LOC128092253: variants seen among roughly 807,000 people sequenced by gnomAD.
At chr6:133,962,355 G>C in the LOC128092253 span, among the ~76,000 whole-genome samples, 1 of 152,194 alleles carries the variant, frequency 6.6e-6, no homozygotes, top group Non-Finnish European at 1.5e-5. Flanking sequence ...TTAGAAGCCT[G>C]TAGCCATAAT....
the LOC128092253 span, among the ~76,000 whole-genome samples, chr6:133,954,001 G>A: frequency 2.0e-5 from 3 of 152,182 alleles, no homozygotes; most frequent in Admixed American, 2.0e-4. Context: ...CTGAAGAAGA[G>A]AAAATGAATT....
the LOC128092253 span, among the ~76,000 whole-genome samples, chr6:133,973,269 T>A: frequency 6.6e-6 from 1 of 152,204 alleles, no homozygotes; most frequent in Non-Finnish European, 1.5e-5. Context: ...CAAATCGGTC[T>A]ATTATCAGTC....
the LOC128092253 span, among the ~76,000 whole-genome samples, chr6:133,968,212 C>T: frequency 5.9e-5 from 9 of 152,008 alleles, no homozygotes; most frequent in Non-Finnish European, 1.0e-4. Context: ...TGATCTCGAT[C>T]TCTTGACCTC....
At chr6:133,969,547 A>C in the LOC128092253 span, among the ~76,000 whole-genome samples, 1 of 152,164 alleles carries the variant, frequency 6.6e-6, no homozygotes, top group African/African-American at 2.4e-5. Context: ...CTTTCACTTA[A>C]GCATTTGTTA....
chr6:133,963,664 G>T, the LOC128092253 span, among the ~76,000 whole-genome samples: 1 of 152,024 alleles, frequency 6.6e-6, no homozygotes, highest in Admixed American at 6.5e-5. Flanking sequence ...CAAGCAACCT[G>T]CCCACCTTGG....
the LOC128092253 span, among the ~76,000 whole-genome samples, chr6:133,963,325 A>G: frequency 6.6e-6 from 1 of 152,188 alleles, no homozygotes; most frequent in Non-Finnish European, 1.5e-5. Flanking sequence ...CATCTTGGAA[A>G]TATTTTCAAA....
the LOC128092253 span, among the ~76,000 whole-genome samples, chr6:133,955,894 T>G: frequency 6.6e-6 from 1 of 152,228 alleles, no homozygotes; most frequent in Non-Finnish European, 1.5e-5. Flanking sequence ...CATAGAAAAT[T>G]GTCACATCAG....
the LOC128092253 span, among the ~76,000 whole-genome samples, chr6:133,964,228 G>T: frequency 6.6e-6 from 1 of 152,000 alleles, no homozygotes; most frequent in African/African-American, 2.4e-5. Context: ...CTGATCTCTA[G>T]CCAAGTTCTC....
chr6:133,959,801 C>G, the LOC128092253 span, among the ~76,000 whole-genome samples: 1 of 152,292 alleles, frequency 6.6e-6, no homozygotes, highest in South Asian at 2.1e-4. Context: ...TTCTTTCTAT[C>G]ACACTCTTTT....
chr6:133,959,585 A>G, the LOC128092253 span, among the ~76,000 whole-genome samples: 1 of 151,100 alleles, frequency 6.6e-6, no homozygotes, highest in African/African-American at 2.4e-5. Context: ...GGGTTCAAGC[A>G]ATTCTCCTGC....
the LOC128092253 span, among the ~76,000 whole-genome samples, chr6:133,973,266 G>T: frequency 6.6e-6 from 1 of 152,112 alleles, no homozygotes; most frequent in Non-Finnish European, 1.5e-5. Flanking sequence ...TTGCAAATCG[G>T]TCTATTATCA....
At chr6:133,957,429 A>G in the LOC128092253 span, among the ~76,000 whole-genome samples, 700 of 152,288 alleles carry the variant, frequency 4.6e-3, 2 homozygotes, top group African/African-American at 0.016. Context: ...ACATTGGCCC[A>G]TGGTATGTTT....
the LOC128092253 span, among the ~76,000 whole-genome samples, chr6:133,959,847 A>G: frequency 6.6e-6 from 1 of 152,244 alleles, no homozygotes; most frequent in South Asian, 2.1e-4. Context: ...AGATATGAAC[A>G]TAATAAAGTC....
chr6:133,973,951 C>T, the LOC128092253 span, among the ~76,000 whole-genome samples: 1 of 150,006 alleles, frequency 6.7e-6, no homozygotes, highest in African/African-American at 2.5e-5. Context: ...TTATATTAAA[C>T]CTAACATATA....
the LOC128092253 span, among the ~76,000 whole-genome samples, chr6:133,962,207 G>C: frequency 6.6e-6 from 1 of 152,128 alleles, no homozygotes; most frequent in South Asian, 2.1e-4. Context: ...GCATTCCAAG[G>C]CAAGCAGATG....
At chr6:133,973,559 G>A in the LOC128092253 span, among the ~76,000 whole-genome samples, 3 of 152,112 alleles carry the variant, frequency 2.0e-5, no homozygotes, top group East Asian at 3.9e-4. Context: ...GCAATTTGTC[G>A]TAAAAGCCAG....
chr6:133,970,652 A>G, the LOC128092253 span, among the ~76,000 whole-genome samples: 1 of 151,120 alleles, frequency 6.6e-6, no homozygotes, highest in Non-Finnish European at 1.5e-5. Context: ...TCTGTCACCC[A>G]GGCTGGAATG....
the LOC128092253 span, among the ~76,000 whole-genome samples, chr6:133,962,077 C>T: frequency 0.015 from 2,253 of 152,184 alleles, 34 homozygotes; most frequent in Middle Eastern, 0.037. Context: ...ATTTAGGCAG[C>T]TATAAAACCG....
the LOC128092253 span, among the ~76,000 whole-genome samples, chr6:133,973,231 G>T: frequency 5.3e-5 from 8 of 152,272 alleles, no homozygotes; most frequent in African/African-American, 1.9e-4. Context: ...CTATCTCTAG[G>T]AGACCATGTG....
Sources: allele counts gnomAD v4.1 joint callset (sites outside exome capture counted in the v4.1 genomes callset), GRCh38; gene constraint gnomAD v4.1.1; transcripts MANE v1.5.